ENTREP2: variants seen among roughly 807,000 people sequenced by gnomAD.
The protein encoded by ENTREP2 is protein ENTREP2.
the ENTREP2 span, chr15:29,269,779 G>A: frequency 2.2e-6 from 3 of 1,342,366 alleles, no homozygotes; most frequent in East Asian, 6.1e-5. Context: ...TCGGCGACCC[G>A]CTAACGCCGG....
the ENTREP2 span, among the ~76,000 whole-genome samples, chr15:29,206,201 C>G: frequency 6.6e-6 from 1 of 152,180 alleles, no homozygotes; most frequent in South Asian, 2.1e-4. Flanking sequence ...TGGTGACATC[C>G]TGGTTCACAG....
At chr15:29,169,331 G>C in the ENTREP2 span, among the ~76,000 whole-genome samples, 32 of 151,708 alleles carry the variant, frequency 2.1e-4, no homozygotes, top group African/African-American at 6.6e-4. Flanking sequence ...GAAAAAAAAG[G>C]CTTTGCACAC....
the ENTREP2 span, among the ~76,000 whole-genome samples, chr15:29,155,551 T>C: frequency 1.6e-4 from 25 of 152,140 alleles, no homozygotes; most frequent in African/African-American, 5.8e-4. Context: ...GACCCCCATG[T>C]TTCTCTCCTG....
At chr15:29,416,358 C>T in the ENTREP2 span, among the ~76,000 whole-genome samples, 43 of 152,178 alleles carry the variant, frequency 2.8e-4, no homozygotes, top group Non-Finnish European at 6.0e-4. Flanking sequence ...CTACAACCAT[C>T]TGATCTTTGA....
At chr15:29,657,329 A>G in the ENTREP2 span, among the ~76,000 whole-genome samples, 1 of 150,896 alleles carries the variant, frequency 6.6e-6, no homozygotes, top group Non-Finnish European at 1.5e-5. Flanking sequence ...CAAAGCGCCC[A>G]CCAGTGTTAC....
At chr15:29,477,993 CTATATATATATA>C in the ENTREP2 span, among the ~76,000 whole-genome samples, 403 of 85,860 alleles carry the variant, frequency 4.7e-3, no homozygotes, top group Non-Finnish European at 6.4e-3. Context: ...TTAAATTTAA[CTATATATATATA>C]TATATATATA....
At chr15:29,567,971 C>T in the ENTREP2 span, among the ~76,000 whole-genome samples, 5 of 152,312 alleles carry the variant, frequency 3.3e-5, no homozygotes, top group South Asian at 1.0e-3. Flanking sequence ...TCCCAGCTGC[C>T]ATTCTTAAAT....
the ENTREP2 span, among the ~76,000 whole-genome samples, chr15:29,349,687 C>G: frequency 6.6e-6 from 1 of 152,068 alleles, no homozygotes; most frequent in Non-Finnish European, 1.5e-5. Flanking sequence ...TACCTGAGCT[C>G]AGGAGTTCGA....
the ENTREP2 span, among the ~76,000 whole-genome samples, chr15:29,412,028 G>A: frequency 6.6e-6 from 1 of 151,832 alleles, no homozygotes; most frequent in Non-Finnish European, 1.5e-5. Flanking sequence ...AATTCTTCAG[G>A]AGCCTCTTGA....
At chr15:29,329,681 C>G in the ENTREP2 span, among the ~76,000 whole-genome samples, 1,608 of 152,300 alleles carry the variant, frequency 0.011, 29 homozygotes, top group African/African-American at 0.036. Flanking sequence ...AGCCAGGAAC[C>G]TCTTGTGGTG....
the ENTREP2 span, among the ~76,000 whole-genome samples, chr15:29,252,068 G>T: frequency 1.1e-4 from 16 of 152,204 alleles, no homozygotes; most frequent in Admixed American, 3.9e-4. Flanking sequence ...AAATATAATA[G>T]TTACTAAGGA....
the ENTREP2 span, among the ~76,000 whole-genome samples, chr15:29,239,607 G>A: frequency 6.6e-6 from 1 of 152,282 alleles, no homozygotes; most frequent in East Asian, 1.9e-4. Flanking sequence ...GGGCTAACCA[G>A]ACTTTCAAGG....
the ENTREP2 span, chr15:29,373,776 T>C: frequency 5.9e-4 from 90 of 152,130 alleles, no homozygotes; most frequent in African/African-American, 1.8e-3. Context: ...CTTGCAATTT[T>C]TAAAATGTCC....
chr15:29,573,603 TTCTCTCTCTTCTTTCTCTCTCTCTCTTC>T, the ENTREP2 span, among the ~76,000 whole-genome samples: 1 of 144,642 alleles, frequency 6.9e-6, no homozygotes, highest in Non-Finnish European at 1.5e-5. Flanking sequence ...TATTTGTCTA[TTCTCTCTCTTCTTTCTCTCTCTCTCTTC>T]TCTCTCTCTC....
the ENTREP2 span, among the ~76,000 whole-genome samples, chr15:29,155,056 G>A: frequency 1.3e-5 from 2 of 151,838 alleles, no homozygotes; most frequent in South Asian, 4.2e-4. Flanking sequence ...GCCAAGGTGG[G>A]TGGATCACAA....
the ENTREP2 span, among the ~76,000 whole-genome samples, chr15:29,379,594 G>A: frequency 6.6e-6 from 1 of 152,084 alleles, no homozygotes; most frequent in East Asian, 1.9e-4. Context: ...ACTCCTGTAG[G>A]TCCAGCTGCT....
the ENTREP2 span, among the ~76,000 whole-genome samples, chr15:29,200,752 G>A: frequency 6.7e-6 from 1 of 149,942 alleles, no homozygotes; most frequent in Non-Finnish European, 1.5e-5. Flanking sequence ...AGTAGAGATG[G>A]GGTTTCGCCA....
the ENTREP2 span, among the ~76,000 whole-genome samples, chr15:29,118,653 G>C: frequency 6.6e-6 from 1 of 152,218 alleles, no homozygotes; most frequent in Non-Finnish European, 1.5e-5. Flanking sequence ...GGAGCCTTGG[G>C]CTTCTTCAGA....
chr15:29,412,519 A>G, the ENTREP2 span, among the ~76,000 whole-genome samples: 1 of 152,152 alleles, frequency 6.6e-6, no homozygotes, highest in African/African-American at 2.4e-5. Context: ...ATTAAGAATA[A>G]AACAGTTCTA....
Sources: gnomAD v4.1 joint callset for allele counts (sites outside exome capture counted in the v4.1 genomes callset) on GRCh38, gnomAD v4.1.1 for gene constraint, MANE v1.5 for transcripts, NCBI Gene and HGNC (gene_info 2026-07-23, HGNC 2026-07-21) for gene names.